Variants in SLC30A9 observed in about 807,000 individuals in gnomAD.
The protein encoded by SLC30A9 is solute carrier family 30 member 9, also known as proton-coupled zinc antiporter SLC30A9, mitochondrial.
A neutral mutation model predicts 87.5 loss-of-function variants in SLC30A9; 58 were observed. That is an observed-to-expected ratio of 0.66 (90% CI 0.54 to 0.82). SLC30A9 has a LOEUF of 0.82. Among genes scored for constraint, SLC30A9 ranks in the 40% least tolerant of loss-of-function variants. The pLI, the probability that SLC30A9 is intolerant of heterozygous loss-of-function variation, is 0.00. For synonymous variants in SLC30A9, 234 were observed against 233.0 expected, an observed-to-expected ratio of 1.00 and a Z score of -0.04; for missense variants, 557 against 679.1, an observed-to-expected ratio of 0.82 and a Z score of 2.00.
intron 6 of SLC30A9, among the ~76,000 whole-genome samples, chr4:42,033,372 C>T (rs1212879026): frequency 6.6e-6 from 1 of 151,714 alleles, no homozygotes; most frequent in African/African-American, 2.4e-5. Flanking sequence ...GGCTCCATGG[C>T]TCATGCCTAT....
chr4:42,030,380 A>G (rs1480723350), intron 6 of SLC30A9, among the ~76,000 whole-genome samples: 3 of 152,188 alleles, frequency 2.0e-5, no homozygotes, highest in Admixed American at 6.5e-5. Context: ...TTTACTGTAA[A>G]TTATGATTCC....
chr4:42,039,354 T>C (rs1023377615), intron 8 of SLC30A9, among the ~76,000 whole-genome samples: 1 of 152,202 alleles, frequency 6.6e-6, no homozygotes. Context: ...TTTAAAGAAG[T>C]TAGCTAAACC....
Position 42,074,070 on chromosome 4 carries a change from A to G in SLC30A9, c.1419-1587A>G, listed in dbSNP as rs181916749. 8.5e-5 allele frequency among the ~76,000 whole-genome samples: 13 copies of G among 152,332 alleles called. No homozygotes were observed. In the East Asian group the frequency reaches 1.5e-3, roughly 18 times the overall value. On this transcript the variant is annotated intron_variant, in intron 15 of 17. Coordinates refer to ENST00000264451, the MANE Select transcript of SLC30A9 (RefSeq NM_006345.4). ...AAGTAGAAATGATTTTTGAAAATGA[A>G]TAAATATGTTCTGTGAGTTACCAGG...
intron 16 of SLC30A9, 146 bp from the exon 17 acceptor site, chr4:42,078,066 G>A: frequency 1.9e-6 from 1 of 522,772 alleles, no homozygotes; most frequent in Non-Finnish European, 3.4e-6. Context: ...TTGGAAATAG[G>A]TAATCCATTG....
At chr4:42,073,099 C>G (rs1032813565) in intron 15 of SLC30A9, among the ~76,000 whole-genome samples, 4 of 152,142 alleles carry the variant, frequency 2.6e-5, no homozygotes, top group Non-Finnish European at 5.9e-5. Context: ...GTCTCAAACT[C>G]CTGACCTCAG....
In SLC30A9 at chr4:42,087,193, C is replaced by T. The variant is rs911390402; in HGVS notation, c.*1067C>T. ...TGGGCATTTAGTATAGTTATATTGA[C>T]TATAACATGTAAGTAAATAGCTTTC... On this transcript the variant is annotated 3_prime_UTR_variant, in exon 18 of 18. Transcript: ENST00000264451. 2 of 152,076 alleles carry T rather than the reference C, an allele frequency of 1.3e-5. No homozygotes were observed. The highest frequency in any genetic ancestry group is 2.9e-5 in the Non-Finnish European group (2 of 68,024). 9.4% of individuals were successfully genotyped at this position (152,076 alleles called of 1,614,324 possible).
chr4:42,026,349 G>T (rs1488264875), intron 6 of SLC30A9, among the ~76,000 whole-genome samples: 1 of 152,202 alleles, frequency 6.6e-6, no homozygotes, highest in African/African-American at 2.4e-5. Context: ...GATATTGCCA[G>T]TGCAGTTATA....
intron 9 of SLC30A9, among the ~76,000 whole-genome samples, chr4:42,058,804 T>G (rs11932614): frequency 0.67 from 101,492 of 152,030 alleles, 37,564 homozygotes; most frequent in East Asian, 0.96. Flanking sequence ...CTGCCCTGAT[T>G]ATTCAGTTAC....
chr4:42,070,733 A>T, intron 15 of SLC30A9, 42 bp downstream of exon 15: 2 of 1,519,158 alleles, frequency 1.3e-6, no homozygotes, highest in South Asian at 1.3e-5. Context: ...TTACAAAAAC[A>T]TATTAAAAAA....
intron 17 of SLC30A9, among the ~76,000 whole-genome samples, chr4:42,081,226 T>C (rs1718730032): frequency 6.6e-6 from 1 of 152,252 alleles, no homozygotes; most frequent in South Asian, 2.1e-4. Context: ...ACAGTATTTT[T>C]AAAAGTGAAC....
At chr4:42,036,749 C>T (rs1244510828) in intron 7 of SLC30A9, among the ~76,000 whole-genome samples, 1 of 152,162 alleles carries the variant, frequency 6.6e-6, no homozygotes, top group Non-Finnish European at 1.5e-5. Flanking sequence ...TCCATTTCCC[C>T]TTTGATCACT....
At chr4:42,086,013 C>G in intron 17 of SLC30A9, 69 bp from the exon 18 acceptor site, 1 of 184,810 alleles carries the variant, frequency 5.4e-6, no homozygotes, top group Non-Finnish European at 1.0e-5. Flanking sequence ...GCTCTAATGA[C>G]CAAAAGGAAT....
At chr4:42,012,641 A>G (rs1715498832) in intron 2 of SLC30A9, among the ~76,000 whole-genome samples, 1 of 152,202 alleles carries the variant, frequency 6.6e-6, no homozygotes, top group African/African-American at 2.4e-5. Flanking sequence ...AAAATATACA[A>G]TTAAGTTATT....
At position 42,074,315 on chromosome 4, in the gene SLC30A9, A is replaced by G. The variant is rs145161303; in HGVS notation, c.1419-1342A>G. On this transcript the variant is annotated intron_variant, in intron 15 of 17. Coordinates refer to ENST00000264451, the MANE Select transcript of SLC30A9 (RefSeq NM_006345.4). ...GAAATTAGGGTCTAATGTTGTAAGA[A>G]TACTTGGAGTCTTACGTAGGCTTGT... Among the ~76,000 whole-genome samples the G allele has an allele frequency of 4.6e-3, 706 of 152,352 alleles. 4 individuals carry two copies. Among genetic ancestry groups the G allele is most frequent in the African/African-American group, 0.016 (681 of 41,588 alleles).
At chr4:42,084,913 G>A (rs1718870440) in intron 17 of SLC30A9, among the ~76,000 whole-genome samples, 1 of 152,230 alleles carries the variant, frequency 6.6e-6, no homozygotes, top group South Asian at 2.1e-4. Context: ...GGCAAATACT[G>A]TTTGTTCCCA....
intron 2 of SLC30A9, among the ~76,000 whole-genome samples, chr4:42,014,687 A>G (rs930618959): frequency 6.6e-6 from 1 of 152,194 alleles, no homozygotes; most frequent in Admixed American, 6.5e-5. Flanking sequence ...GATAAAGAAG[A>G]TATGGTCTAT....
At chr4:41,990,946 G>T (rs1052881771) in intron 1 of SLC30A9, among the ~76,000 whole-genome samples, 186 bp downstream of exon 1, 8 of 152,250 alleles carry the variant, frequency 5.3e-5, no homozygotes. Context: ...CTCTGACTCT[G>T]ATGCCTTCTG....
intron 1 of SLC30A9, 146 bp downstream of exon 1, chr4:41,990,906 C>T: frequency 1.6e-6 from 1 of 637,138 alleles, no homozygotes; most frequent in South Asian, 1.8e-5. Context: ...TCCAGTTCAG[C>T]CTGCGCAGCC....
At chr4:42,037,648 T>C (rs904298704) in intron 7 of SLC30A9, among the ~76,000 whole-genome samples, 1 of 152,200 alleles carries the variant, frequency 6.6e-6, no homozygotes, top group Non-Finnish European at 1.5e-5. Context: ...ACCTTGTTTA[T>C]TGTGAATGTT....
Sources: gnomAD v4.1 joint callset for allele counts (sites outside exome capture counted in the v4.1 genomes callset) on GRCh38, gnomAD v4.1.1 for gene constraint, MANE v1.5 for transcripts, NCBI Gene and HGNC (gene_info 2026-07-23, HGNC 2026-07-21) for gene names.